Variants in MGP observed in about 807,000 individuals in gnomAD.
MGP encodes cell growth-inhibiting gene 36 protein.
A neutral mutation model predicts 14.5 loss-of-function variants in MGP; 13 were observed. That is an observed-to-expected ratio of 0.89 (90% CI 0.58 to 1.42). The LOEUF (loss-of-function observed/expected upper bound fraction) is 1.42, where lower values mean the gene tolerates loss of function less well. Ranked by LOEUF, MGP falls within the 40% of genes most tolerant of loss-of-function variation. MGP has a pLI of 0.00. For missense variants in MGP, 128 were observed against 133.7 expected, an observed-to-expected ratio of 0.96 and a Z score of 0.21; for synonymous variants, 44 against 46.3, an observed-to-expected ratio of 0.95 and a Z score of 0.20.
Position 14,881,357 on chromosome 12 carries a change from C to G in MGP, c.*782G>C, listed in dbSNP as rs952666020. 1 of 151,904 alleles carries G rather than the reference C, an allele frequency of 6.6e-6. No homozygotes were observed. The highest frequency in any genetic ancestry group is 1.5e-5 in the Non-Finnish European group (1 of 67,980). 9.4% of individuals were successfully genotyped at this position (151,904 alleles called of 1,614,324 possible). On this transcript the variant is annotated 3_prime_UTR_variant, in exon 4 of 4. Coordinates refer to ENST00000539261, the MANE Select transcript of MGP (RefSeq NM_000900.5). ...AAGAAATTATTAAAATTATTTAAAG[C>G]AAGAATAGTAAAAATGTAGCGTGGA...
At chr12:14,882,775 C>A (rs1235420293) in intron 3 of MGP, among the ~76,000 whole-genome samples, 197 bp downstream of exon 3, 1 of 149,374 alleles carries the variant, frequency 6.7e-6, no homozygotes, top group Non-Finnish European at 1.5e-5. Flanking sequence ...TCTCCTCCTT[C>A]CTTCTCCTTT....
chr12:14,883,692 A>C (rs1285269910), intron 2 of MGP: 2 of 161,792 alleles, frequency 1.2e-5, no homozygotes, highest in Non-Finnish European at 2.7e-5. Flanking sequence ...CCAGCTACTC[A>C]GGAGGCTGAG....
At chr12:14,884,710 C>T in intron 1 of MGP, 3 of 960,254 alleles carry the variant, frequency 3.1e-6, no homozygotes, top group Non-Finnish European at 4.5e-6. Flanking sequence ...AGTTGCTCTG[C>T]TGGGCTTACT....
In MGP at chr12:14,882,093, G is replaced by T; in HGVS notation, c.*46C>A. On this transcript the variant is annotated 3_prime_UTR_variant, in exon 4 of 4. Transcript: ENST00000539261. ...GCTGCTACAGGGGGATACAAAATCA[G>T]GTGCCAGCCTCCAGAAAAAAAGAGA... The T allele has an allele frequency of 3.7e-6, 6 of 1,609,698 alleles. No individual in the cohort carries two copies. The highest frequency in any genetic ancestry group is 4.3e-6 in the Non-Finnish European group (5 of 1,176,196).
chr12:14,881,866 C>A lies in MGP; in HGVS notation c.*273G>T. The A allele has an allele frequency of 2.3e-6, 1 of 440,738 alleles. No individual in the cohort carries two copies. The allele number at this position is 440,738 out of a possible 1,614,324, so 27.3% of individuals were successfully genotyped here. A position where few individuals can be genotyped will look rare whatever the true frequency, so the allele number is the denominator to read the frequency against. ...CATGATTTAAATATCTCAATATCTT[C>A]CCAAAAGAAAGCAGATTTACAAGAT... is the stretch of plus-strand genomic sequence containing the variant. On this transcript the variant is annotated 3_prime_UTR_variant, in exon 4 of 4. Transcript: ENST00000539261.
In MGP at chr12:14,883,055, C is replaced by T. The variant is rs376569098; in HGVS notation, c.95-8G>A. 1.9e-6 allele frequency: 3 copies of T among 1,591,990 alleles called. No individual in the cohort carries two copies. The highest frequency in any genetic ancestry group is 2.6e-6 in the Non-Finnish European group (3 of 1,160,152). On this transcript the variant is annotated splice_region_variant and splice_polypyrimidine_tract_variant and intron_variant, in intron 2 of 3. Transcript: ENST00000539261. ...TCCTGTTAATGAAGGGATCTTAGAACAGAAAATAAATAAATGCAGTTTTAG... is the reference window on the plus strand; with the variant it reads ...TCCTGTTAATGAAGGGATCTTAGAATAGAAAATAAATAAATGCAGTTTTAG...
chr12:14,885,254 C>G (rs1863426492), intron 1 of MGP, among the ~76,000 whole-genome samples: 1 of 152,104 alleles, frequency 6.6e-6, no homozygotes, highest in South Asian at 2.1e-4. Flanking sequence ...TGATGTAAAA[C>G]TTTATTTTAA....
At chr12:14,884,182 A>G (rs1346137310) in intron 2 of MGP, 31 bp downstream of exon 2, 2 of 1,439,926 alleles carry the variant, frequency 1.4e-6, no homozygotes, top group Non-Finnish European at 1.9e-6. Flanking sequence ...AATGCAAGGG[A>G]TTTGAATAAA....
At chr12:14,882,740 G>T (rs1175498778) in intron 3 of MGP, among the ~76,000 whole-genome samples, 16 of 144,700 alleles carry the variant, frequency 1.1e-4, no homozygotes, top group Non-Finnish European at 3.0e-5. Context: ...AATGAAAATA[G>T]AAGTTTTCTT....
At chr12:14,885,625 T>G in intron 1 of MGP, 106 bp downstream of exon 1, 1 of 826,594 alleles carries the variant, frequency 1.2e-6, no homozygotes, top group South Asian at 1.4e-5. Context: ...TTTAAGATTA[T>G]AACAGAGAAA....
rs1370145652 is a variant in MGP at position 14,885,741 on chromosome 12, A to C, written c.51T>G (p.Thr17=). ...LAILAALAVV[T]LCYESHESME... ...AGAAAAGTTTCTCACCATAACACAA[A>C]GTTACTACCGCTAAGGCGGCCAGGA... Residue 17 remains threonine, a synonymous_variant, in exon 1 of 4, where the codon ACT becomes ACG. Transcript: ENST00000539261. 1.2e-6 allele frequency: 2 copies of C among 1,613,546 alleles called. No individual in the cohort carries two copies. The highest frequency in any genetic ancestry group is 1.7e-6 in the Non-Finnish European group (2 of 1,179,648).
At chr12:14,883,202 A>T (rs558785091) in intron 2 of MGP, 155 bp from the exon 3 acceptor site, 75 of 653,338 alleles carry the variant, frequency 1.1e-4, no homozygotes, top group Non-Finnish European at 2.0e-4. Context: ...TATAAAGTAG[A>T]TTTCATTAAC....
intron 1 of MGP, chr12:14,884,781 A>G: frequency 6.6e-7 from 1 of 1,522,700 alleles, no homozygotes; most frequent in Non-Finnish European, 8.8e-7. Context: ...ATTGGCAGCC[A>G]CAGAAACCAC....
intron 2 of MGP, chr12:14,883,288 T>C (rs2120434498): frequency 2.1e-6 from 1 of 475,742 alleles, no homozygotes; most frequent in Non-Finnish European, 3.9e-6. Context: ...GGTTTTGAGT[T>C]TGGACGATCA....
At chr12:14,884,734 A>C (rs1302690408) in intron 1 of MGP, 25 of 1,317,350 alleles carry the variant, frequency 1.9e-5, no homozygotes, top group Non-Finnish European at 2.4e-5. Context: ...GCAGGTTTCT[A>C]AGAGGGTTCC....
chr12:14,883,440 A>T (rs908773544), intron 2 of MGP: 1 of 224,792 alleles, frequency 4.4e-6, no homozygotes, highest in African/African-American at 2.3e-5. Flanking sequence ...ATAATGAATA[A>T]ATTAAAAATG....
At position 14,882,080 on chromosome 12, in the gene MGP, G is replaced by T; in HGVS notation, c.*59C>A. On this transcript the variant is annotated 3_prime_UTR_variant, in exon 4 of 4. Transcript: ENST00000539261. Reference sequence around the variant, plus strand: ...GTATTTCTGTAATGCTGCTACAGGGGGATACAAAATCAGGTGCCAGCCTCC... The same window carrying T: ...GTATTTCTGTAATGCTGCTACAGGGTGATACAAAATCAGGTGCCAGCCTCC... 1 of 1,585,166 alleles carries T rather than the reference G, an allele frequency of 6.3e-7. No individual in the cohort carries two copies. The highest frequency in any genetic ancestry group is 8.7e-7 in the Non-Finnish European group (1 of 1,154,202).
At chr12:14,884,664 ACAGC>A (rs1863419309) in intron 1 of MGP, 3 of 585,700 alleles carry the variant, frequency 5.1e-6, no homozygotes, top group Non-Finnish European at 8.7e-6. Flanking sequence ...GATCCAGAAG[ACAGC>A]CAGGTTTCTC....
intron 2 of MGP, 86 bp from the exon 3 acceptor site, chr12:14,883,133 GA>G: frequency 1.8e-6 from 2 of 1,084,218 alleles, no homozygotes; most frequent in Non-Finnish European, 2.8e-6. Flanking sequence ...AAATATATTT[GA>G]AAGTGCCTTA....
Sources: allele counts gnomAD v4.1 joint callset (sites outside exome capture counted in the v4.1 genomes callset), GRCh38; gene constraint gnomAD v4.1.1; transcripts MANE v1.5; gene names NCBI Gene and HGNC (gene_info 2026-07-23, HGNC 2026-07-21).